The following NCEH1 variants were observed in gnomAD, a reference collection of about 807,000 sequenced individuals.
The protein encoded by NCEH1 is 2-acetyl MAGE hydrolase.
NCEH1 carries 9 observed loss-of-function variants against 25.4 expected under a neutral mutation model. The observed-to-expected ratio is 0.35, with a 90% CI of 0.21 to 0.62. NCEH1 has a LOEUF of 0.62. Among genes scored for constraint, NCEH1 ranks in the 20% least tolerant of loss-of-function variants. The pLI, the probability that NCEH1 is intolerant of heterozygous loss-of-function variation, is 0.72. For synonymous variants in NCEH1, 200 were observed against 199.8 expected (o/e 1.00, Z -0.01); for missense variants, 412 against 501.1 (o/e 0.82, Z 1.70).
At chr3:172,674,225 A>G (rs1711809285) in intron 1 of NCEH1, among the ~76,000 whole-genome samples, 1 of 152,186 alleles carries the variant, frequency 6.6e-6, no homozygotes, top group Non-Finnish European at 1.5e-5. Context: ...GCAGATCACG[A>G]GGTCAGGAGT....
intron 1 of NCEH1, among the ~76,000 whole-genome samples, chr3:172,704,410 T>G (rs1246485267): frequency 6.6e-6 from 1 of 152,222 alleles, no homozygotes; most frequent in African/African-American, 2.4e-5. Flanking sequence ...AGGCTCATGC[T>G]CCGAGCTCTC....
Position 172,631,357 on chromosome 3 carries a change from T to C in NCEH1, c.*2118A>G, listed in dbSNP as rs1340883536. ...TAGTATTATATGAGGAGGATAGTTATCACAGAATAAGAACTAAAATCCCAT... is the reference window on the plus strand; with the variant it reads ...TAGTATTATATGAGGAGGATAGTTACCACAGAATAAGAACTAAAATCCCAT... On this transcript the variant is annotated 3_prime_UTR_variant, in exon 5 of 5. Transcript: ENST00000475381. The C allele has an allele frequency of 6.6e-6, 1 of 152,164 alleles. No homozygotes were observed. The highest frequency in any genetic ancestry group is 1.9e-4 in the East Asian group (1 of 5,192). The allele number at this position is 152,164 out of a possible 1,614,324, so 9.4% of individuals were successfully genotyped here.
chr3:172,705,062 C>T (rs1713900025), intron 1 of NCEH1, among the ~76,000 whole-genome samples: 1 of 152,172 alleles, frequency 6.6e-6, no homozygotes, highest in Admixed American at 6.5e-5. Context: ...CGATTTTTCT[C>T]ATAAAGCAAA....
chr3:172,684,628 C>T (rs995524684), intron 1 of NCEH1, among the ~76,000 whole-genome samples: 1 of 152,154 alleles, frequency 6.6e-6, no homozygotes, highest in Non-Finnish European at 1.5e-5. Flanking sequence ...AGTCTATGTG[C>T]AATTCTGTAG....
intron 3 of NCEH1, among the ~76,000 whole-genome samples, chr3:172,645,317 T>C (rs990715963): frequency 3.3e-5 from 5 of 152,222 alleles, no homozygotes; most frequent in African/African-American, 1.2e-4. Flanking sequence ...TACTACTTTT[T>C]AGATTTAAAA....
chr3:172,672,188 C>G (rs777955522), intron 1 of NCEH1, among the ~76,000 whole-genome samples: 10 of 152,032 alleles, frequency 6.6e-5, no homozygotes, highest in Non-Finnish European at 1.2e-4. Context: ...GTGCTGAGTA[C>G]CAAGTTTCAC....
chr3:172,656,483 T>C (rs1185239281), intron 1 of NCEH1, among the ~76,000 whole-genome samples: 1 of 152,166 alleles, frequency 6.6e-6, no homozygotes, highest in Non-Finnish European at 1.5e-5. Context: ...TAGTGACTTT[T>C]TGGCTGGGCG....
intron 1 of NCEH1, among the ~76,000 whole-genome samples, chr3:172,694,304 A>G (rs548995385): frequency 9.8e-5 from 15 of 152,354 alleles, no homozygotes; most frequent in African/African-American, 3.4e-4. Context: ...TGAAGAGTCC[A>G]GACTGTAAAA....
Position 172,681,109 on chromosome 3 carries a change from C to G in NCEH1, c.138+29738G>C, listed in dbSNP as rs578226411. 3.3e-5 allele frequency: 5 copies of G among 150,360 alleles called. No homozygotes were observed. The South Asian group carries it at 1.1e-3, about 32-fold the overall frequency. The allele number at this position is 150,360 out of a possible 1,614,324, so 9.3% of individuals were successfully genotyped here. On this transcript the variant is annotated intron_variant, in intron 1 of 4. Transcript: ENST00000475381. Reference sequence around the variant, plus strand: ...CCATAGAGGCTCAGGGCCCTGAGGACCAAGAGGTACCGGGGGAGAAGGAGG... The same window carrying G: ...CCATAGAGGCTCAGGGCCCTGAGGAGCAAGAGGTACCGGGGGAGAAGGAGG...
intron 1 of NCEH1, among the ~76,000 whole-genome samples, chr3:172,704,413 G>A (rs116269836): frequency 0.012 from 1,882 of 152,250 alleles, 29 homozygotes; most frequent in African/African-American, 0.042. Context: ...CTCATGCTCC[G>A]AGCTCTCTTG....
At chr3:172,674,796 CATA>C in intron 1 of NCEH1, among the ~76,000 whole-genome samples, 1 of 152,278 alleles carries the variant, frequency 6.6e-6, no homozygotes, top group East Asian at 1.9e-4. Context: ...TTCTAATTGC[CATA>C]ATATTTTGCC....
intron 3 of NCEH1, among the ~76,000 whole-genome samples, chr3:172,637,205 C>CT (rs2108488726): frequency 6.6e-6 from 1 of 152,246 alleles, no homozygotes; most frequent in East Asian, 1.9e-4. Flanking sequence ...TCCAATAAAT[C>CT]TTTTTTGAGT....
intron 4 of NCEH1, among the ~76,000 whole-genome samples, chr3:172,634,312 G>A (rs1577048557): frequency 6.6e-6 from 1 of 152,180 alleles, no homozygotes; most frequent in Non-Finnish European, 1.5e-5. Flanking sequence ...AGAAAGGTAT[G>A]ATGTTTACAA....
At chr3:172,688,987 G>A (rs1576771215) in intron 1 of NCEH1, among the ~76,000 whole-genome samples, 1 of 152,194 alleles carries the variant, frequency 6.6e-6, no homozygotes, top group Non-Finnish European at 1.5e-5. Flanking sequence ...TCACATATGC[G>A]ATCTAATGTG....
chr3:172,638,365 A>C (rs1033295483), intron 3 of NCEH1, among the ~76,000 whole-genome samples: 1 of 149,566 alleles, frequency 6.7e-6, no homozygotes, highest in Non-Finnish European at 1.5e-5. Context: ...TTATTTTTCC[A>C]TCTGGGGTGG....
At chr3:172,669,460 G>T (rs1002477732) in intron 1 of NCEH1, among the ~76,000 whole-genome samples, 2 of 152,326 alleles carry the variant, frequency 1.3e-5, no homozygotes, top group East Asian at 1.9e-4. Context: ...AAACTAGAAG[G>T]AATGTTTTGT....
chr3:172,676,136 A>AG (rs1476382481), intron 1 of NCEH1, among the ~76,000 whole-genome samples: 1 of 152,126 alleles, frequency 6.6e-6, no homozygotes, highest in Non-Finnish European at 1.5e-5. Flanking sequence ...GCTTCTCTTG[A>AG]GGGGGGAAAT....
intron 1 of NCEH1, among the ~76,000 whole-genome samples, chr3:172,698,051 A>G (rs1298441035): frequency 2.2e-5 from 3 of 137,518 alleles, no homozygotes; most frequent in African/African-American, 8.4e-5. Flanking sequence ...ATCTCAGCTC[A>G]CTGCAAGCTC....
intron 1 of NCEH1, among the ~76,000 whole-genome samples, chr3:172,692,811 G>T (rs1713144553): frequency 1.3e-5 from 2 of 152,186 alleles, no homozygotes; most frequent in South Asian, 4.1e-4. Context: ...AACACAAGGT[G>T]GGCTAGTCCC....
Sources: gnomAD v4.1 joint callset for allele counts (sites outside exome capture counted in the v4.1 genomes callset) on GRCh38, gnomAD v4.1.1 for gene constraint, MANE v1.5 for transcripts, NCBI Gene and HGNC (gene_info 2026-07-23, HGNC 2026-07-21) for gene names.